UNC13C: variants seen among roughly 807,000 people sequenced by gnomAD.
UNC13C encodes the protein protein unc-13 homolog C.
UNC13C carries 174 observed loss-of-function variants against 245.4 expected under a neutral mutation model. The ratio of observed to expected loss-of-function variants is 0.71; its 90% CI spans 0.63 to 0.80. UNC13C has a LOEUF of 0.80. UNC13C is among the 30% of genes least tolerant of loss of function. The probability of loss-of-function intolerance (pLI) is 0.00; values close to 1 mark genes in which losing one functional copy is unlikely to be tolerated. For missense variants in UNC13C, 2,829 were observed against 2,602.9 expected (o/e 1.09, Z -1.89); for synonymous variants, 992 against 895.1 (o/e 1.11, Z -1.93).
chr15:54,064,269 ATT>A (rs946901202), intron 2 of UNC13C, among the ~76,000 whole-genome samples: 1 of 152,152 alleles, frequency 6.6e-6, no homozygotes, highest in Non-Finnish European at 1.5e-5. Context: ...CCATAATTTC[ATT>A]TGTTATTTCT....
chr15:54,207,130 G>A (rs571645686), intron 4 of UNC13C, among the ~76,000 whole-genome samples: 33 of 150,606 alleles, frequency 2.2e-4, no homozygotes, highest in African/African-American at 5.1e-4. Flanking sequence ...GATGATGATG[G>A]TGATGATGAT....
At chr15:54,185,566 A>G (rs868154153) in intron 4 of UNC13C, among the ~76,000 whole-genome samples, 56 of 150,684 alleles carry the variant, frequency 3.7e-4, no homozygotes, top group Middle Eastern at 3.4e-3. Flanking sequence ...GGTTTGTCAA[A>G]GATCAGATAG....
At chr15:54,004,445 A>C (rs968071931) in intron 1 of UNC13C, among the ~76,000 whole-genome samples, 3 of 152,198 alleles carry the variant, frequency 2.0e-5, no homozygotes, top group African/African-American at 7.2e-5. Flanking sequence ...AATCTTGTCT[A>C]TTGTGAACAG....
At chr15:53,921,506 T>G in the UNC13C span, among the ~76,000 whole-genome samples, 1 of 152,334 alleles carries the variant, frequency 6.6e-6, no homozygotes, top group South Asian at 2.1e-4. Context: ...GGAGACTATA[T>G]ATTGCATACG....
At chr15:54,505,697 G>A (rs1894440454) in intron 22 of UNC13C, among the ~76,000 whole-genome samples, 2 of 151,474 alleles carry the variant, frequency 1.3e-5, no homozygotes, top group African/African-American at 2.4e-5. Context: ...GAGTTATTAC[G>A]GCAGTGTGCT....
Position 54,015,651 on chromosome 15 carries a change from C to T in UNC13C, c.2748C>T (p.Thr916=). The change falls in exon 2 of 33, where the codon ACC becomes ACT. Residue 916 remains threonine (T), a synonymous_variant. Coordinates refer to ENST00000260323, the MANE Select transcript of UNC13C (RefSeq NM_001080534.3). ...DHLSYETPYE[T]PQDEGYDGPA... The stretch of plus-strand genomic sequence containing the variant: ...TTTCATATGAAACACCTTATGAAAC[C>T]CCACAAGATGAGGGTTATGATGGTC... 4.3e-6 allele frequency: 7 copies of T among 1,613,554 alleles called. No individual in the cohort carries two copies. The highest frequency in any genetic ancestry group is 5.9e-6 in the Non-Finnish European group (7 of 1,179,704).
intron 2 of UNC13C, among the ~76,000 whole-genome samples, chr15:54,099,349 C>A (rs982917206): frequency 6.6e-6 from 1 of 152,114 alleles, no homozygotes; most frequent in Admixed American, 6.5e-5. Flanking sequence ...GACTCTGCTG[C>A]AAATCGTATT....
intron 2 of UNC13C, among the ~76,000 whole-genome samples, chr15:54,109,508 A>G (rs1031496227): frequency 1.3e-5 from 2 of 151,068 alleles, no homozygotes; most frequent in South Asian, 4.2e-4. Flanking sequence ...CGCCCAGCTA[A>G]TTTTTGTATT....
intron 19 of UNC13C, among the ~76,000 whole-genome samples, chr15:54,492,559 C>T (rs1893766406): frequency 6.6e-6 from 1 of 152,056 alleles, no homozygotes; most frequent in African/African-American, 2.4e-5. Flanking sequence ...AGTTCTCAGC[C>T]ATTATGTACA....
chr15:53,909,417 C>T, the UNC13C span, among the ~76,000 whole-genome samples: 1 of 146,764 alleles, frequency 6.8e-6, no homozygotes. Flanking sequence ...AATCCTACTT[C>T]ACATTTTAGG....
At chr15:54,460,394 C>T (rs1368338344) in intron 19 of UNC13C, among the ~76,000 whole-genome samples, 1 of 152,222 alleles carries the variant, frequency 6.6e-6, no homozygotes, top group Non-Finnish European at 1.5e-5. Flanking sequence ...GAAGCTGTCA[C>T]TTCAACAGAC....
intron 32 of UNC13C, among the ~76,000 whole-genome samples, chr15:54,624,335 T>A (rs1165388233): frequency 2.6e-5 from 4 of 152,156 alleles, no homozygotes; most frequent in Non-Finnish European, 5.9e-5. Flanking sequence ...AGCATGTGAC[T>A]TTTAAACTGA....
intron 19 of UNC13C, among the ~76,000 whole-genome samples, chr15:54,455,297 C>T (rs113279352): frequency 0.025 from 3,567 of 141,422 alleles, 154 homozygotes; most frequent in Admixed American, 0.098. Context: ...TTTTTGCAAT[C>T]GCAAATTGTG....
intron 18 of UNC13C, among the ~76,000 whole-genome samples, chr15:54,407,619 C>T (rs1054005792): frequency 2.0e-5 from 3 of 151,968 alleles, no homozygotes; most frequent in South Asian, 2.1e-4. Context: ...AATAGCACAA[C>T]CAAAATTGAA....
intron 19 of UNC13C, among the ~76,000 whole-genome samples, chr15:54,467,523 A>G (rs1436223819): frequency 6.6e-6 from 1 of 151,716 alleles, no homozygotes; most frequent in Non-Finnish European, 1.5e-5. Context: ...AATACACAAT[A>G]AATTATTATT....
intron 1 of UNC13C, among the ~76,000 whole-genome samples, chr15:53,985,362 TTTATTA>T (rs943139343): frequency 6.6e-6 from 1 of 151,842 alleles, no homozygotes; most frequent in Admixed American, 6.6e-5. Flanking sequence ...TTTTTTAAAT[TTTATTA>T]TTATTATACT....
intron 8 of UNC13C, among the ~76,000 whole-genome samples, chr15:54,258,029 A>G (rs2036323642): frequency 6.6e-6 from 1 of 152,182 alleles, no homozygotes; most frequent in Non-Finnish European, 1.5e-5. Context: ...TTCCCATGTC[A>G]GAGAGGCTCC....
chr15:54,552,664 T>TATAA (rs1377095811), intron 28 of UNC13C, among the ~76,000 whole-genome samples: 1 of 82,272 alleles, frequency 1.2e-5, no homozygotes, highest in Non-Finnish European at 2.0e-5. Flanking sequence ...TTATATTATA[T>TATAA]TGTACTATAT....
chr15:54,262,633 T>A (rs2036455126), intron 8 of UNC13C, among the ~76,000 whole-genome samples: 1 of 152,224 alleles, frequency 6.6e-6, no homozygotes, highest in East Asian at 1.9e-4. Context: ...GTAGACCATT[T>A]ACAATGTCCT....
Sources: allele counts gnomAD v4.1 joint callset (sites outside exome capture counted in the v4.1 genomes callset), GRCh38; gene constraint gnomAD v4.1.1; transcripts MANE v1.5; gene names NCBI Gene and HGNC (gene_info 2026-07-23, HGNC 2026-07-21).